The following TEX2 variants were observed in gnomAD, a reference collection of about 807,000 sequenced individuals.
TEX2 encodes testis expressed 2, also known as testis-expressed protein 2.
Under a neutral mutation model 106.9 loss-of-function variants are expected in TEX2, and 53 were observed. The observed-to-expected ratio is 0.50, with a 90% CI of 0.40 to 0.62. TEX2 has a LOEUF of 0.62. TEX2 is among the 20% of genes least tolerant of loss of function. The pLI, the probability that TEX2 is intolerant of heterozygous loss-of-function variation, is 0.00. For synonymous variants in TEX2, 523 were observed against 534.8 expected, an observed-to-expected ratio of 0.98 and a Z score of 0.30; for missense variants, 1,207 against 1,379.0, an observed-to-expected ratio of 0.88 and a Z score of 1.98.
intron 6 of TEX2, among the ~76,000 whole-genome samples, chr17:64,174,369 G>GGGC (rs3071478): frequency 0.71 from 107,984 of 151,706 alleles, 38,526 homozygotes; most frequent in East Asian, 0.83. Flanking sequence ...AGGGGAAGGT[G>GGGC]TCTACCTACT....
At chr17:64,258,752 T>G (rs545346226) in intron 1 of TEX2, among the ~76,000 whole-genome samples, 1 of 131,668 alleles carries the variant, frequency 7.6e-6, no homozygotes, top group East Asian at 2.3e-4. Flanking sequence ...CTCTTCATTT[T>G]GGAAGAGAGA....
intron 4 of TEX2, among the ~76,000 whole-genome samples, chr17:64,191,296 A>C (rs376186438): frequency 1.3e-5 from 2 of 152,166 alleles, no homozygotes; most frequent in African/African-American, 4.8e-5. Flanking sequence ...GAACTCGTTA[A>C]AAATAATCAA....
intron 6 of TEX2, among the ~76,000 whole-genome samples, chr17:64,174,812 A>G (rs1163124596): frequency 1.3e-5 from 2 of 152,254 alleles, no homozygotes; most frequent in Non-Finnish European, 2.9e-5. Flanking sequence ...TAAGGCCAAG[A>G]GCACACTTAC....
Position 64,212,997 on chromosome 17 carries a change from CAAAG to C in TEX2, c.1217_1220del (p.Ser406CysfsTer4). The C allele has an allele frequency of 1.2e-6, 2 of 1,614,238 alleles. No individual in the cohort carries two copies. Among genetic ancestry groups the C allele is most frequent in the Non-Finnish European group, 1.7e-6 (2 of 1,180,042 alleles). The stretch of plus-strand genomic sequence containing the variant: ...CATCTTCTTTGCTCACTAAGGCAGA[CAAAG>C]AACATTTCTCCAGAACTAGAGAACT... On this transcript the variant is annotated frameshift_variant, in exon 2 of 12. Transcript: ENST00000584379. LOFTEE classifies it high-confidence loss of function.
intron 1 of TEX2, among the ~76,000 whole-genome samples, chr17:64,228,040 A>G (rs930913950): frequency 6.6e-6 from 1 of 152,252 alleles, no homozygotes; most frequent in African/African-American, 2.4e-5. Flanking sequence ...ACATGATGCT[A>G]TAGATAAACC....
chr17:64,237,070 C>T (rs1279890711), intron 1 of TEX2, among the ~76,000 whole-genome samples: 1 of 152,152 alleles, frequency 6.6e-6, no homozygotes, highest in Non-Finnish European at 1.5e-5. Context: ...TGAAGGGCAC[C>T]AAGAGATCAC....
intron 4 of TEX2, among the ~76,000 whole-genome samples, chr17:64,192,205 A>T (rs192580773): frequency 3.3e-5 from 5 of 152,360 alleles, no homozygotes; most frequent in Admixed American, 1.3e-4. Context: ...CCTCCAAAAA[A>T]TATGTTAAAG....
intron 3 of TEX2, 80 bp downstream of exon 3, chr17:64,194,815 A>G (rs1156262199): frequency 1.4e-6 from 2 of 1,382,692 alleles, no homozygotes; most frequent in Non-Finnish European, 2.1e-6. Context: ...TTTAGGGTAT[A>G]AAAAAATGCA....
chr17:64,171,556 C>T (rs962541356), intron 6 of TEX2, among the ~76,000 whole-genome samples: 1 of 151,938 alleles, frequency 6.6e-6, no homozygotes, highest in African/African-American at 2.4e-5. Context: ...GGATGGCTTC[C>T]CTGAGGAGTG....
chr17:64,161,755 T>C (rs1262364965), intron 7 of TEX2, among the ~76,000 whole-genome samples: 2 of 152,004 alleles, frequency 1.3e-5, no homozygotes, highest in African/African-American at 4.8e-5. Context: ...TTGTCAAGTA[T>C]TTTTCTGTGA....
rs903727162 is a variant in TEX2 at position 64,151,160 on chromosome 17, G to A, written c.3141-199C>T. On this transcript the variant is annotated intron_variant, in intron 10 of 11. Transcript: ENST00000584379. ...GTGTTCCCTGGATGGTGTTAGGGCT[G>A]TGGCGGATTTAGAACAGTTCTGACA... 2.0e-5 allele frequency among the ~76,000 whole-genome samples: 3 copies of A among 152,190 alleles called. No individual in the cohort carries two copies. In the South Asian group the frequency reaches 6.2e-4, roughly 32 times the overall value.
intron 5 of TEX2, among the ~76,000 whole-genome samples, chr17:64,179,422 A>C (rs1209200437): frequency 3.3e-5 from 5 of 152,212 alleles, no homozygotes; most frequent in Non-Finnish European, 7.3e-5. Context: ...CCTAGCCAGC[A>C]GCAGCGGCAA....
chr17:64,166,548 G>A (rs2031147706), intron 7 of TEX2, among the ~76,000 whole-genome samples: 1 of 152,208 alleles, frequency 6.6e-6, no homozygotes, highest in Admixed American at 6.5e-5. Context: ...GGTGGATTGA[G>A]GCAATCTGAC....
In TEX2 at chr17:64,193,553, C is replaced by G; in HGVS notation, c.2176+6G>C. On this transcript the variant is annotated splice_donor_region_variant and intron_variant, in intron 4 of 11. Transcript: ENST00000584379. Reference sequence around the variant, plus strand: ...ATGCATAAGCATTTAGCACAAACATCATTACCTGGTTTACCTCCAGAGACA... The same window carrying G: ...ATGCATAAGCATTTAGCACAAACATGATTACCTGGTTTACCTCCAGAGACA... 7.1e-7 allele frequency: 1 copy of G among 1,413,804 alleles called. No homozygotes were observed. The highest frequency in any genetic ancestry group is 9.3e-7 in the Non-Finnish European group (1 of 1,074,962). 87.6% of individuals were successfully genotyped at this position (1,413,804 alleles called of 1,614,324 possible).
At chr17:64,220,710 G>A (rs2033333928) in intron 1 of TEX2, among the ~76,000 whole-genome samples, 1 of 152,188 alleles carries the variant, frequency 6.6e-6, no homozygotes. Context: ...AACAGATGCT[G>A]GTGAGACTGT....
intron 1 of TEX2, among the ~76,000 whole-genome samples, chr17:64,237,675 C>G (rs1411495514): frequency 6.6e-6 from 1 of 151,978 alleles, no homozygotes; most frequent in Non-Finnish European, 1.5e-5. Context: ...TGTTCTTAAG[C>G]CCTAGGTTTT....
chr17:64,241,470 G>A (rs1184751980), intron 1 of TEX2, among the ~76,000 whole-genome samples: 1 of 152,104 alleles, frequency 6.6e-6, no homozygotes, highest in African/African-American at 2.4e-5. Context: ...GTGAAAAGAA[G>A]CCTCACTGAA....
chr17:64,210,634 C>CTTTTTTTTTTTTTTT lies in TEX2; in HGVS notation c.1644+1925_1644+1939dup, dbSNP rs58313195. ...TAAAAGAATTCTCCCCAACCCCCAGCTTTTTTTTTTTTTTTTTTTTTTTTT... is the reference window on the plus strand; with the variant it reads ...TAAAAGAATTCTCCCCAACCCCCAGCTTTTTTTTTTTTTTTTTTTTTTTTTTTTTTTTTTTTTTTT... On this transcript the variant is annotated intron_variant, in intron 2 of 11. Transcript: ENST00000584379. Among the ~76,000 whole-genome samples, 219 of 74,754 alleles carry CTTTTTTTTTTTTTTT rather than the reference C, an allele frequency of 2.9e-3. 12 individuals carry two copies. The highest frequency in any genetic ancestry group is 8.6e-3 in the Middle Eastern group (1 of 116). 49.0% of individuals were successfully genotyped at this position (74,754 alleles called of 152,430 possible).
intron 2 of TEX2, among the ~76,000 whole-genome samples, chr17:64,206,717 C>T (rs189824075): frequency 6.6e-6 from 1 of 152,184 alleles, no homozygotes; most frequent in East Asian, 1.9e-4. Context: ...GCATGCCCCA[C>T]CACACCCGGC....
Sources: allele counts gnomAD v4.1 joint callset (sites outside exome capture counted in the v4.1 genomes callset), GRCh38; gene constraint gnomAD v4.1.1; transcripts MANE v1.5; gene names NCBI Gene and HGNC (gene_info 2026-07-23, HGNC 2026-07-21).